Variants in FAM135B observed in about 807,000 individuals in gnomAD.
The protein encoded by FAM135B is family with sequence similarity 135 member B, also known as protein FAM135B.
A neutral mutation model predicts 127.7 loss-of-function variants in FAM135B; 43 were observed. That is an observed-to-expected ratio of 0.34 (90% CI 0.26 to 0.43). The LOEUF is 0.43. Ranked by LOEUF, FAM135B falls within the 20% of genes least tolerant of loss-of-function variation. The probability of loss-of-function intolerance (pLI) is 1.00; values close to 1 mark genes in which losing one functional copy is unlikely to be tolerated. For missense variants in FAM135B, 1,558 were observed against 1,725.6 expected (o/e 0.90, Z 1.72); for synonymous variants, 670 against 665.1 (o/e 1.01, Z -0.11).
chr8:138,220,991 G>A lies in FAM135B; in HGVS notation c.669+21951C>T, dbSNP rs541166926. 8.5e-5 allele frequency among the ~76,000 whole-genome samples: 13 copies of A among 152,318 alleles called. 1 individual carries two copies. The highest frequency in any genetic ancestry group is 7.2e-4 in the Admixed American group (11 of 15,308). Reference sequence around the variant, plus strand: ...TCAGGCTGCATAGACTAAAAACGAAGTGAGACCTACTATTGTTTATTCTAA... The same window carrying A: ...TCAGGCTGCATAGACTAAAAACGAAATGAGACCTACTATTGTTTATTCTAA... On this transcript the variant is annotated intron_variant, in intron 7 of 19. Transcript: ENST00000395297.
chr8:138,181,073 T>C (rs559987189), intron 9 of FAM135B, among the ~76,000 whole-genome samples: 1 of 117,190 alleles, frequency 8.5e-6, no homozygotes, highest in South Asian at 3.2e-4. Flanking sequence ...ACCCTGTCTC[T>C]ACTAAAAATA....
rs143346792 is a variant in FAM135B, at chr8:138,151,640, G to A, written c.2835C>T (p.Ala945=). ...PELSCTSAAD[A]INRNSTGQQS... Reference sequence around the variant, plus strand: ...GCTGGCCTGTTGAGTTCCTGTTGATGGCATCAGCAGCTGACGTACAGCTCA... The same window carrying A: ...GCTGGCCTGTTGAGTTCCTGTTGATAGCATCAGCAGCTGACGTACAGCTCA... Residue 945 remains alanine (A), a synonymous_variant, in exon 13 of 20, where the codon GCC becomes GCT. Coordinates refer to ENST00000395297, the MANE Select transcript of FAM135B (RefSeq NM_015912.4). The A allele has an allele frequency of 1.2e-6, 2 of 1,614,024 alleles. No homozygotes were observed. Among genetic ancestry groups the A allele is most frequent in the East Asian group, 2.2e-5 (1 of 44,878 alleles).
chr8:138,354,655 A>G (rs765173801), intron 2 of FAM135B, among the ~76,000 whole-genome samples: 15 of 152,156 alleles, frequency 9.9e-5, no homozygotes, highest in Non-Finnish European at 1.9e-4. Flanking sequence ...CTCTGCCCAG[A>G]ATTCTTAGGA....
rs969760086 is a variant in FAM135B, at chr8:138,456,199, A to G, written c.-20+40472T>C. Among the ~76,000 whole-genome samples the G allele has an allele frequency of 2.0e-5, 3 of 152,166 alleles. No homozygotes were observed. The South Asian group carries it at 6.2e-4, about 31-fold the overall frequency. ...ACCCAAACACAACAAAACTGTGAAA[A>G]TCCCCAGATTTATACTTTAAATCCT... On this transcript the variant is annotated intron_variant, in intron 1 of 19. Coordinates refer to ENST00000395297, the MANE Select transcript of FAM135B (RefSeq NM_015912.4).
intron 7 of FAM135B, among the ~76,000 whole-genome samples, chr8:138,211,277 A>G (rs1818123277): frequency 6.6e-6 from 1 of 152,234 alleles, no homozygotes; most frequent in Non-Finnish European, 1.5e-5. Context: ...TAGTATTTGC[A>G]TAATAAATCA....
chr8:138,305,754 G>A (rs1826195046), intron 3 of FAM135B, among the ~76,000 whole-genome samples: 1 of 152,068 alleles, frequency 6.6e-6, no homozygotes, highest in South Asian at 2.1e-4. Context: ...TATCAGTTTT[G>A]ATCCAAATGT....
intron 1 of FAM135B, among the ~76,000 whole-genome samples, chr8:138,476,706 C>A (rs1339587277): frequency 1.1e-4 from 17 of 151,990 alleles, no homozygotes; most frequent in Admixed American, 1.1e-3. Flanking sequence ...CATAGCCTAG[C>A]CTATAAATTA....
intron 1 of FAM135B, among the ~76,000 whole-genome samples, chr8:138,395,070 T>A (rs972033123): frequency 6.6e-6 from 1 of 152,204 alleles, no homozygotes; most frequent in Non-Finnish European, 1.5e-5. Flanking sequence ...TGCTGGCCAG[T>A]GGGTCATTGC....
intron 7 of FAM135B, among the ~76,000 whole-genome samples, chr8:138,229,843 T>C (rs998833146): frequency 6.6e-6 from 1 of 152,092 alleles, no homozygotes; most frequent in African/African-American, 2.4e-5. Context: ...AAGACCCTTA[T>C]AAAACCATCA....
intron 9 of FAM135B, among the ~76,000 whole-genome samples, chr8:138,192,313 A>G (rs1338187326): frequency 6.6e-6 from 1 of 152,190 alleles, no homozygotes. Context: ...TACTACCTTT[A>G]GGAGGAACTT....
In FAM135B at chr8:138,136,593, A is replaced by T. The variant is rs983954931; in HGVS notation, c.4015+554T>A. On this transcript the variant is annotated intron_variant, in intron 19 of 19. Coordinates refer to ENST00000395297, the MANE Select transcript of FAM135B (RefSeq NM_015912.4). ...ATTAAAAGCTAAAAACATGTTTTTA[A>T]AAAAAAACAATTAAACAAATTAACC... 7.9e-5 allele frequency among the ~76,000 whole-genome samples: 12 copies of T among 152,106 alleles called. 1 individual carries two copies. The highest frequency in any genetic ancestry group is 5.8e-4 in the East Asian group (3 of 5,192).
intron 7 of FAM135B, among the ~76,000 whole-genome samples, chr8:138,233,264 T>C (rs13265470): frequency 0.19 from 29,185 of 152,174 alleles, 3,101 homozygotes; most frequent in Non-Finnish European, 0.24. Context: ...CAAGCCCATC[T>C]AAACTCACCA....
Position 138,132,763 on chromosome 8 carries a change from C to T in FAM135B, c.4051G>A (p.Gly1351Ser), listed in dbSNP as rs374141412. ...CAGTCCTTGGCTTCAACCAGAGGGC[C>T]CAGGAGGTTGTTGATCATTTCTGCA... is the stretch of plus-strand genomic sequence containing the variant. ...VYAEMINNLL[G>S]PLVEAKDCTL... is the part of the protein sequence containing the mutation. Residue 1351 changes from glycine (G) to serine (S), a missense_variant, in exon 20 of 20, where the codon GGC (glycine) becomes AGC (serine). Gly to Ser is a moderately conservative substitution (Grantham distance 56). Coordinates refer to ENST00000395297, the MANE Select transcript of FAM135B (RefSeq NM_015912.4). This position sits in a 1 kb window ranked among gnomAD's most constrained non-coding sequence, Gnocchi z 4.5. 2 of 1,613,982 alleles carry T rather than the reference C, an allele frequency of 1.2e-6. No individual in the cohort carries two copies. Among genetic ancestry groups the T allele is most frequent in the Non-Finnish European group, 1.7e-6 (2 of 1,180,030 alleles).
intron 1 of FAM135B, among the ~76,000 whole-genome samples, chr8:138,377,861 C>T (rs1210302436): frequency 2.0e-5 from 3 of 152,198 alleles, no homozygotes; most frequent in South Asian, 2.1e-4. Flanking sequence ...TTACTGCATG[C>T]AGCCATTCTA....
At chr8:138,231,469 C>T (rs562063351) in intron 7 of FAM135B, among the ~76,000 whole-genome samples, 1 of 152,214 alleles carries the variant, frequency 6.6e-6, no homozygotes, top group African/African-American at 2.4e-5. Context: ...ATGGCTTAGA[C>T]TCAGCTTCAC....
intron 7 of FAM135B, among the ~76,000 whole-genome samples, chr8:138,201,010 G>T (rs1289097505): frequency 6.6e-6 from 1 of 152,176 alleles, no homozygotes; most frequent in Non-Finnish European, 1.5e-5. Flanking sequence ...CTGAAACCAG[G>T]CCTGGCAGAG....
At chr8:138,234,302 T>C (rs1375660088) in intron 7 of FAM135B, among the ~76,000 whole-genome samples, 2 of 152,154 alleles carry the variant, frequency 1.3e-5, no homozygotes, top group South Asian at 2.1e-4. Context: ...TGAAAAACAA[T>C]ATGGCGGCTT....
At chr8:138,248,218 C>T (rs1332904346) in intron 6 of FAM135B, among the ~76,000 whole-genome samples, 3 of 152,204 alleles carry the variant, frequency 2.0e-5, no homozygotes, top group Non-Finnish European at 4.4e-5. Flanking sequence ...AGATTTGCAA[C>T]ATGGGTTTGT....
chr8:138,145,498 A>G (rs191709687), intron 15 of FAM135B, among the ~76,000 whole-genome samples: 5 of 152,276 alleles, frequency 3.3e-5, no homozygotes, highest in Admixed American at 3.3e-4. Flanking sequence ...TGTGTGATAG[A>G]ACTGCCATGA....
Sources: gnomAD v4.1 joint callset for allele counts (sites outside exome capture counted in the v4.1 genomes callset) on GRCh38, gnomAD v4.1.1 for gene constraint, Gnocchi (gnomAD v3.1) non-coding constraint, MANE v1.5 for transcripts, NCBI Gene and HGNC (gene_info 2026-07-23, HGNC 2026-07-21) for gene names.